The following DGKI variants were observed in gnomAD, a reference collection of about 807,000 sequenced individuals.
DGKI encodes the protein diacylglycerol kinase iota, also known as DAG kinase iota.
A neutral mutation model predicts 147.5 loss-of-function variants in DGKI; 55 were observed. The observed-to-expected ratio is 0.37, with a 90% CI of 0.30 to 0.47. The LOEUF (loss-of-function observed/expected upper bound fraction) is 0.47, where lower values mean the gene tolerates loss of function less well. DGKI is among the 20% of genes least tolerant of loss of function. The probability of loss-of-function intolerance (pLI) is 1.00; values close to 1 mark genes in which losing one functional copy is unlikely to be tolerated. For synonymous variants in DGKI, 469 were observed against 477.1 expected (o/e 0.98, Z 0.22); for missense variants, 1,007 against 1,323.8 (o/e 0.76, Z 3.71).
intron 20 of DGKI, among the ~76,000 whole-genome samples, chr7:137,529,376 G>A (rs834087): frequency 0.037 from 5,598 of 152,178 alleles, 262 homozygotes; most frequent in East Asian, 0.11. Flanking sequence ...GATTTTTCAT[G>A]TGTGATTAGG....
chr7:137,671,842 C>T (rs1822851848), intron 3 of DGKI, among the ~76,000 whole-genome samples: 1 of 152,172 alleles, frequency 6.6e-6, no homozygotes, highest in Non-Finnish European at 1.5e-5. Context: ...AGGGTTAAGC[C>T]ATTTTCACCA....
intron 28 of DGKI, among the ~76,000 whole-genome samples, chr7:137,433,382 C>A (rs980115457): frequency 6.6e-6 from 1 of 152,116 alleles, no homozygotes; most frequent in Non-Finnish European, 1.5e-5. Context: ...TCAGGGAAAC[C>A]ATTCACCAGC....
intron 1 of DGKI, among the ~76,000 whole-genome samples, chr7:137,801,117 G>A (rs911261127): frequency 6.6e-6 from 1 of 152,104 alleles, no homozygotes; most frequent in African/African-American, 2.4e-5. Flanking sequence ...ATACAATCTT[G>A]TACTTCTCTT....
chr7:137,656,372 G>T, intron 4 of DGKI, 94 bp downstream of exon 4: 5 of 1,335,862 alleles, frequency 3.7e-6, no homozygotes, highest in Admixed American at 1.8e-5. Flanking sequence ...TAAGGGCATT[G>T]TTTTCAAAAA....
intron 21 of DGKI, among the ~76,000 whole-genome samples, chr7:137,512,126 C>T (rs1038541055): frequency 1.3e-5 from 2 of 152,180 alleles, no homozygotes; most frequent in African/African-American, 2.4e-5. Flanking sequence ...AGACCTATGA[C>T]CGCAAATTCT....
At chr7:137,420,800 C>T (rs1462414544) in intron 28 of DGKI, among the ~76,000 whole-genome samples, 1 of 152,140 alleles carries the variant, frequency 6.6e-6, no homozygotes, top group Non-Finnish European at 1.5e-5. Context: ...AGGTGAATCA[C>T]CTGAGGTCAG....
intron 1 of DGKI, among the ~76,000 whole-genome samples, chr7:137,797,257 G>A (rs1797060598): frequency 6.6e-6 from 1 of 152,110 alleles, no homozygotes; most frequent in Non-Finnish European, 1.5e-5. Flanking sequence ...CAAACACTGA[G>A]AGAACCCATC....
At chr7:137,509,195 T>C (rs1816490931) in intron 21 of DGKI, among the ~76,000 whole-genome samples, 1 of 152,204 alleles carries the variant, frequency 6.6e-6, no homozygotes, top group Admixed American at 6.5e-5. Context: ...CCAGTACTTT[T>C]CCACTCGCTC....
At chr7:137,600,244 T>G (rs185752340) in intron 10 of DGKI, among the ~76,000 whole-genome samples, 1 of 152,230 alleles carries the variant, frequency 6.6e-6, no homozygotes, top group East Asian at 1.9e-4. Flanking sequence ...AGTGAAACCC[T>G]GTCTCAAAAA....
chr7:137,736,961 C>T lies in DGKI; in HGVS notation c.402-46959G>A, dbSNP rs116054671. On this transcript the variant is annotated intron_variant, in intron 1 of 32. Coordinates refer to ENST00000614521, the MANE Select transcript of DGKI (RefSeq NM_001321708.2). ...CTTTAAATAATAATCTTTGTTATCT[C>T]TTATAAGCCAGATTGAATCAAAGTT... Among the ~76,000 whole-genome samples the T allele has an allele frequency of 6.7e-3, 1,014 of 152,038 alleles. 14 individuals are homozygous for T. The highest frequency in any genetic ancestry group is 0.023 in the African/African-American group (969 of 41,484).
chr7:137,701,060 A>G (rs1823965248), intron 1 of DGKI, among the ~76,000 whole-genome samples: 2 of 152,112 alleles, frequency 1.3e-5, no homozygotes, highest in African/African-American at 4.8e-5. Context: ...TTCGGCCTGC[A>G]GATATACTTG....
intron 1 of DGKI, among the ~76,000 whole-genome samples, chr7:137,773,950 A>G (rs1437147527): frequency 6.6e-6 from 1 of 152,202 alleles, no homozygotes; most frequent in Non-Finnish European, 1.5e-5. Flanking sequence ...TATCACAACA[A>G]GGTGGATGTC....
chr7:137,785,518 A>G (rs780931029), intron 1 of DGKI, among the ~76,000 whole-genome samples: 7 of 152,018 alleles, frequency 4.6e-5, no homozygotes, highest in Non-Finnish European at 7.4e-5. Context: ...AGGACCAGAC[A>G]AATTCACAGC....
At chr7:137,435,468 T>A (rs1426928521) in intron 28 of DGKI, among the ~76,000 whole-genome samples, 1 of 152,014 alleles carries the variant, frequency 6.6e-6, no homozygotes, top group Non-Finnish European at 1.5e-5. Flanking sequence ...GACAGAAAGC[T>A]TATGGCTAAA....
chr7:137,473,282 G>A (rs1238739791), intron 23 of DGKI, among the ~76,000 whole-genome samples: 1 of 152,086 alleles, frequency 6.6e-6, no homozygotes, highest in East Asian at 1.9e-4. Flanking sequence ...TCTTAAAGAG[G>A]TTTCGTCTAA....
rs539520894 is a variant in DGKI at position 137,395,517 on chromosome 7, C to A, written c.3057+81G>T. The stretch of plus-strand genomic sequence containing the variant: ...CTTCCATAAGCACAGAAAGGATGTC[C>A]GTGCTATGGTCACAAGCAAAGGCAA... On this transcript the variant is annotated intron_variant, in intron 32 of 32. Coordinates refer to ENST00000614521, the MANE Select transcript of DGKI (RefSeq NM_001321708.2). 14 of 1,302,584 alleles carry A rather than the reference C, an allele frequency of 1.1e-5. No individual in the cohort carries two copies. The African/African-American group carries it at 2.0e-4, about 19-fold the overall frequency. The allele number at this position is 1,302,584 out of a possible 1,614,324, so 80.7% of individuals were successfully genotyped here. A position where few individuals can be genotyped will look rare whatever the true frequency, so the allele number is the denominator to read the frequency against.
At chr7:137,642,647 T>C (rs1821671807) in intron 6 of DGKI, among the ~76,000 whole-genome samples, 1 of 152,094 alleles carries the variant, frequency 6.6e-6, no homozygotes, top group Non-Finnish European at 1.5e-5. Context: ...TCGGCTAACG[T>C]TAAAGGAACT....
At chr7:137,651,115 A>G (rs1264910003) in intron 5 of DGKI, among the ~76,000 whole-genome samples, 1 of 152,214 alleles carries the variant, frequency 6.6e-6, no homozygotes, top group African/African-American at 2.4e-5. Flanking sequence ...AGGCTGGCTC[A>G]AAAGTAACTG....
intron 28 of DGKI, among the ~76,000 whole-genome samples, chr7:137,415,025 A>G (rs552876342): frequency 3.3e-5 from 5 of 152,270 alleles, no homozygotes; most frequent in African/African-American, 1.2e-4. Context: ...AGACATATGG[A>G]CCTTCAGAAG....
Sources: allele counts gnomAD v4.1 joint callset (sites outside exome capture counted in the v4.1 genomes callset), GRCh38; gene constraint gnomAD v4.1.1; transcripts MANE v1.5; gene names NCBI Gene and HGNC (gene_info 2026-07-23, HGNC 2026-07-21).